Variants in EPRS1 observed in about 807,000 individuals in gnomAD.
EPRS1 encodes bifunctional glutamate/proline--tRNA ligase.
EPRS1 carries 107 observed loss-of-function variants against 188.3 expected under a neutral mutation model. That is an observed-to-expected ratio of 0.57 (90% CI 0.49 to 0.67). The LOEUF (loss-of-function observed/expected upper bound fraction) is 0.67. EPRS1 is among the 30% of genes least tolerant of loss of function. EPRS1 has a pLI of 0.00. For synonymous variants in EPRS1, 596 were observed against 593.1 expected (o/e 1.00, Z -0.07); for missense variants, 1,577 against 1,802.2 (o/e 0.88, Z 2.26).
rs767905619 is a variant in EPRS1, at chr1:220,034,936, G to A, written c.209C>T (p.Ser70Phe). ...RVATTAGLYG[S>F]NLMEHTEIDH... ...TACCTCAGTATGTTCCATCAGATTA[G>A]AGCCATATAACCCAGCTGTAGTTGC... Residue 70 changes from serine (S) to phenylalanine (F), a missense_variant, in exon 3 of 32, where the codon TCT becomes TTT. Ser to Phe is a radical substitution (Grantham distance 155). Transcript: ENST00000366923. The A allele has an allele frequency of 5.0e-6, 8 of 1,597,838 alleles. No individual in the cohort carries two copies. Among genetic ancestry groups the A allele is most frequent in the Non-Finnish European group, 6.9e-6 (8 of 1,165,640 alleles).
At chr1:220,007,496 C>G (rs1427998731) in intron 13 of EPRS1, 158 bp from the exon 14 acceptor site, 2 of 587,288 alleles carry the variant, frequency 3.4e-6, no homozygotes, top group Non-Finnish European at 5.7e-6. Flanking sequence ...AAATGCTTTA[C>G]TCTTTCTCCA....
Position 219,979,551 on chromosome 1 carries a change from G to T in EPRS1, c.3776C>A (p.Pro1259Gln), listed in dbSNP as rs372871451. The T allele has an allele frequency of 6.2e-7, 1 of 1,613,712 alleles. No individual in the cohort carries two copies. The highest frequency in any genetic ancestry group is 8.5e-7 in the Non-Finnish European group (1 of 1,179,836). Reference sequence around the variant, plus strand: ...AAATTGCTTCTCTCCTGGTATCTTTGGATCTTCAAAAACGATTTCAAACAT... The same window carrying T: ...AAATTGCTTCTCTCCTGGTATCTTTTGATCTTCAAAAACGATTTCAAACAT... ...SKMFEIVFED[P>Q]KIPGEKQFAY... is the part of the protein sequence containing the mutation. Residue 1259 changes from proline to glutamine, a missense_variant, in exon 27 of 32, where the codon CCA (proline) becomes CAA (glutamine). This residue lies in a region of EPRS1 where 296 missense variants were observed against 327.9 expected (regional missense o/e 0.90). Coordinates refer to ENST00000366923, the MANE Select transcript of EPRS1 (RefSeq NM_004446.3).
rs766231629 is a variant in EPRS1 at position 220,006,327 on chromosome 1, T to C, written c.1743-14A>G. 2.2e-6 allele frequency: 3 copies of C among 1,353,630 alleles called. No individual in the cohort carries two copies. Among genetic ancestry groups the C allele is most frequent in the African/African-American group, 2.9e-5 (2 of 68,846 alleles). 83.9% of individuals were successfully genotyped at this position (1,353,630 alleles called of 1,614,324 possible). On this transcript the variant is annotated splice_polypyrimidine_tract_variant and intron_variant, in intron 14 of 31. Transcript: ENST00000366923. ...CCATCTGCATTTCTAGATATAAGAT[T>C]AAAAGTATTCAAAGAAATATTAACC... is the stretch of plus-strand genomic sequence containing the variant.
chr1:219,989,678 C>T (rs115527279), intron 18 of EPRS1, among the ~76,000 whole-genome samples: 2,669 of 152,260 alleles, frequency 0.018, 80 homozygotes, highest in African/African-American at 0.061. Flanking sequence ...CAATGGTATA[C>T]CTTCACAAAA....
intron 14 of EPRS1, among the ~76,000 whole-genome samples, chr1:220,006,851 A>T (rs1365696725): frequency 6.6e-6 from 1 of 152,214 alleles, no homozygotes; most frequent in Non-Finnish European, 1.5e-5. Context: ...AAATTTTAGT[A>T]AAAAGATTAT....
chr1:220,000,176 T>C (rs915637989), intron 17 of EPRS1, among the ~76,000 whole-genome samples: 2 of 152,220 alleles, frequency 1.3e-5, no homozygotes, highest in Non-Finnish European at 2.9e-5. Flanking sequence ...TACTAACTTA[T>C]AGCATAACAC....
In EPRS1 at chr1:219,987,451, AG is replaced by A. The variant is rs771924207; in HGVS notation, c.2776-48del. On this transcript the variant is annotated intron_variant, in intron 19 of 31. Coordinates refer to ENST00000366923, the MANE Select transcript of EPRS1 (RefSeq NM_004446.3). ...AAAAGAGAAGACAGTATTTAACTCA[AG>A]TCATTGTCTAAGCACACTTAAACAA... The A allele has an allele frequency of 2.0e-6, 3 of 1,473,296 alleles. No individual in the cohort carries two copies. The East Asian group carries it at 6.8e-5, about 34-fold the overall frequency. 91.3% of individuals were successfully genotyped at this position (1,473,296 alleles called of 1,614,324 possible).
At chr1:219,972,604 T>C (rs34309222) in intron 29 of EPRS1, among the ~76,000 whole-genome samples, 70,071 of 152,062 alleles carry the variant, frequency 0.46, 16,256 homozygotes, top group South Asian at 0.52. Context: ...GGTAGTGGGC[T>C]TTCCTCTCTG....
chr1:220,019,564 C>G (rs1201104558), intron 10 of EPRS1, among the ~76,000 whole-genome samples: 1 of 152,150 alleles, frequency 6.6e-6, no homozygotes, highest in Non-Finnish European at 1.5e-5. Flanking sequence ...CAGTAATACC[C>G]TTTTCATGGA....
intron 29 of EPRS1, 119 bp downstream of exon 29, chr1:219,973,119 G>C (rs1169599618): frequency 1.3e-6 from 1 of 760,248 alleles, no homozygotes; most frequent in East Asian, 2.6e-5. Flanking sequence ...AGTAGCATGG[G>C]GGTTCAGAGG....
At chr1:220,041,230 G>T (rs568548465) in intron 1 of EPRS1, among the ~76,000 whole-genome samples, 8 of 152,150 alleles carry the variant, frequency 5.3e-5, no homozygotes, top group Admixed American at 1.3e-4. Flanking sequence ...TACCCAGGGG[G>T]CTGAGGTGGC....
At chr1:219,991,262 C>A (rs1233706862) in intron 18 of EPRS1, among the ~76,000 whole-genome samples, 2 of 147,302 alleles carry the variant, frequency 1.4e-5, no homozygotes, top group African/African-American at 5.0e-5. Flanking sequence ...GGAACATTAT[C>A]CATTTGAAAT....
intron 1 of EPRS1, among the ~76,000 whole-genome samples, chr1:220,044,329 G>A (rs1402787185): frequency 6.6e-6 from 1 of 152,152 alleles, no homozygotes; most frequent in African/African-American, 2.4e-5. Flanking sequence ...CTGGCATACA[G>A]TTCAAAATGA....
At chr1:220,004,665 C>G (rs1661423849) in intron 16 of EPRS1, among the ~76,000 whole-genome samples, 1 of 152,038 alleles carries the variant, frequency 6.6e-6, no homozygotes, top group Non-Finnish European at 1.5e-5. Context: ...AATCTATTCA[C>G]AGATATCTAA....
chr1:219,997,749 G>T (rs1317594625), intron 17 of EPRS1, among the ~76,000 whole-genome samples: 1 of 152,114 alleles, frequency 6.6e-6, no homozygotes, highest in Non-Finnish European at 1.5e-5. Context: ...AACCCATCAA[G>T]TTGATGGGAA....
chr1:220,005,817 G>GTTTTTTTTTTTTTT lies in EPRS1; in HGVS notation c.1950+288_1950+289insAAAAAAAAAAAAAA, dbSNP rs765781858. ...ATAAAATGGAAACATTACTTACATC[G>GTTTTTTTTTTTTTT]TTTTTTTTTTTGTTTTTTTTTTTGT... On this transcript the variant is annotated intron_variant, in intron 15 of 31. Coordinates refer to ENST00000366923, the MANE Select transcript of EPRS1 (RefSeq NM_004446.3). Among the ~76,000 whole-genome samples, 12 of 119,660 alleles carry GTTTTTTTTTTTTTT rather than the reference G, an allele frequency of 1.0e-4. 1 individual carries two copies. The highest frequency in any genetic ancestry group is 1.7e-4 in the African/African-American group (5 of 29,748). The allele number at this position is 119,660 out of a possible 152,430, so 78.5% of individuals were successfully genotyped here.
At chr1:219,973,529 G>GCC in intron 28 of EPRS1, 131 bp from the exon 29 acceptor site, 1 of 220,890 alleles carries the variant, frequency 4.5e-6, no homozygotes. Flanking sequence ...AAAAAAACAA[G>GCC]AGAAAAAAAA....
chr1:220,021,335 C>T (rs930738057), intron 9 of EPRS1, among the ~76,000 whole-genome samples: 5 of 151,906 alleles, frequency 3.3e-5, no homozygotes, highest in Admixed American at 6.6e-5. Flanking sequence ...ACTACTGAAG[C>T]GTGCCACCAT....
intron 7 of EPRS1, among the ~76,000 whole-genome samples, chr1:220,024,732 TC>T (rs764354621): frequency 4.6e-5 from 7 of 152,206 alleles, no homozygotes; most frequent in Non-Finnish European, 1.0e-4. Context: ...GAACTGACAA[TC>T]ATTTGCCCTC....
Sources: gnomAD v4.1 joint callset for allele counts (sites outside exome capture counted in the v4.1 genomes callset) on GRCh38, gnomAD v4.1.1 for gene constraint, gnomAD v4.1.1 regional missense constraint, MANE v1.5 for transcripts, NCBI Gene and HGNC (gene_info 2026-07-23, HGNC 2026-07-21) for gene names.